EP300: variants seen among roughly 807,000 people sequenced by gnomAD.
The protein encoded by EP300 is histone acetyltransferase p300.
Under a neutral mutation model 264.0 loss-of-function variants are expected in EP300, and 31 were observed. The observed-to-expected ratio is 0.12, with a 90% CI of 0.09 to 0.16. The LOEUF is 0.16. EP300 is among the 10% of genes least tolerant of loss of function. The pLI is 1.00. For missense variants in EP300, 2,766 were observed against 3,052.9 expected (o/e 0.91, Z 2.21); for synonymous variants, 1,340 against 1,045.4 (o/e 1.28, Z -5.44).
intron 22 of EP300, among the ~76,000 whole-genome samples, chr22:41,165,682 C>G (rs1332455511): frequency 6.6e-6 from 1 of 152,172 alleles, no homozygotes; most frequent in African/African-American, 2.4e-5. Flanking sequence ...CTCGGCCTCC[C>G]GAAGTGCTGG....
At chr22:41,163,911 A>G (rs527995699) in intron 21 of EP300, 142 bp from the exon 22 acceptor site, 1 of 814,408 alleles carries the variant, frequency 1.2e-6, no homozygotes, top group African/African-American at 1.7e-5. Context: ...CCTATCTCTA[A>G]AAAAATAGAA....
intron 12 of EP300, among the ~76,000 whole-genome samples, chr22:41,148,317 C>A (rs1239414686): frequency 6.6e-6 from 1 of 152,188 alleles, no homozygotes; most frequent in Non-Finnish European, 1.5e-5. Context: ...CTTAACCAGT[C>A]CATCTCTCTA....
chr22:41,135,751 G>C, intron 6 of EP300, 62 bp from the exon 7 acceptor site: 1 of 1,224,756 alleles, frequency 8.2e-7, no homozygotes, highest in Non-Finnish European at 1.2e-6. Flanking sequence ...TAACTTTATA[G>C]TATTTATTGT....
intron 1 of EP300, 65 bp from the exon 2 acceptor site, chr22:41,117,120 AAT>A: frequency 7.5e-7 from 1 of 1,333,476 alleles, no homozygotes. Flanking sequence ...TATTGAGAAC[AAT>A]ATAGAGCAGT....
intron 1 of EP300, among the ~76,000 whole-genome samples, chr22:41,112,594 C>T (rs1386332737): frequency 6.6e-6 from 1 of 152,114 alleles, no homozygotes; most frequent in Admixed American, 6.6e-5. Context: ...ATTATCCCAA[C>T]TTGATGATGA....
At chr22:41,174,610 A>G (rs1275660057) in intron 29 of EP300, 2 of 152,002 alleles carry the variant, frequency 1.3e-5, no homozygotes, top group Non-Finnish European at 2.9e-5. Flanking sequence ...AATATCATAT[A>G]ATTGATAACG....
chr22:41,133,532 G>A (rs1184932651), intron 6 of EP300, among the ~76,000 whole-genome samples: 1 of 152,060 alleles, frequency 6.6e-6, no homozygotes, highest in Non-Finnish European at 1.5e-5. Flanking sequence ...TTTTTTCGGA[G>A]TTTGGAATGT....
rs564574458 is a variant in EP300, at chr22:41,117,212, G to A, written c.120G>A (p.Glu40=). ...ATTTTGGCTCTCTATTTGACTTGGAGCACGACTTACCAGATGAATTAATCA... is the reference window on the plus strand; with the variant it reads ...ATTTTGGCTCTCTATTTGACTTGGAACACGACTTACCAGATGAATTAATCA... ...GTDFGSLFDL[E]HDLPDELINS... is the part of the protein sequence containing the mutation. The change falls in exon 2 of 31, where the codon GAG becomes GAA. Residue 40 remains glutamate, a synonymous_variant. Coordinates refer to ENST00000263253, the MANE Select transcript of EP300 (RefSeq NM_001429.4). 1 of 1,614,166 alleles carries A rather than the reference G, an allele frequency of 6.2e-7. No individual in the cohort carries two copies. The highest frequency in any genetic ancestry group is 1.7e-5 in the Admixed American group (1 of 60,020).
chr22:41,159,671 C>CA (rs2145751136), intron 19 of EP300: 1 of 152,150 alleles, frequency 6.6e-6, no homozygotes, highest in Admixed American at 6.5e-5. Context: ...TTTCAATAAA[C>CA]AGTTTTTTTT....
intron 2 of EP300, among the ~76,000 whole-genome samples, chr22:41,124,257 G>T (rs1601602616): frequency 6.6e-6 from 1 of 152,152 alleles, no homozygotes; most frequent in Non-Finnish European, 1.5e-5. Context: ...AAACAGAGAA[G>T]TACATAAGGG....
In EP300 at chr22:41,178,347, G is replaced by A. The variant is rs142673005; in HGVS notation, c.6636G>A (p.Gln2212=). ...GAATGGCCAACCATAACCAGTTCCAGCAACCCCAAGGAGTTGGCTACCCAC... is the reference window on the plus strand; with the variant it reads ...GAATGGCCAACCATAACCAGTTCCAACAACCCCAAGGAGTTGGCTACCCAC... ...GPGMANHNQF[Q]QPQGVGYPPQ... The change falls in exon 31 of 31, where the codon CAG becomes CAA. Residue 2212 remains glutamine, a synonymous_variant. Transcript: ENST00000263253. 3.1e-3 allele frequency: 4,991 copies of A among 1,608,170 alleles called. 15 individuals are homozygous for A. The highest frequency in any genetic ancestry group is 3.9e-3 in the Non-Finnish European group (4,614 of 1,174,760).
chr22:41,139,905 C>T (rs2058972001), intron 8 of EP300, among the ~76,000 whole-genome samples: 1 of 152,082 alleles, frequency 6.6e-6, no homozygotes, highest in South Asian at 2.1e-4. Context: ...TGCTTTATGT[C>T]TAGAGTAACA....
intron 23 of EP300, among the ~76,000 whole-genome samples, chr22:41,167,651 G>T (rs1478253030): frequency 4.6e-5 from 5 of 107,994 alleles, no homozygotes; most frequent in Non-Finnish European, 9.2e-5. Context: ...TTGGTTGGTT[G>T]GGTTTTTTGT....
intron 6 of EP300, among the ~76,000 whole-genome samples, chr22:41,133,152 T>TCCCCCCCCCCCCCCC (rs71821697): frequency 4.6e-5 from 3 of 65,066 alleles, no homozygotes; most frequent in Non-Finnish European, 6.8e-5. Context: ...CCTAAGATTA[T>TCCCCCCCCCCCCCCC]CCCCCCCCCC....
intron 2 of EP300, among the ~76,000 whole-genome samples, chr22:41,122,706 A>T (rs2058859705): frequency 6.6e-6 from 1 of 151,768 alleles, no homozygotes; most frequent in Admixed American, 6.6e-5. Flanking sequence ...CTGCTGAACC[A>T]AAAAAGATGT....
At chr22:41,103,891 A>G (rs892762680) in intron 1 of EP300, among the ~76,000 whole-genome samples, 10 of 152,194 alleles carry the variant, frequency 6.6e-5, no homozygotes, top group African/African-American at 2.4e-4. Context: ...ACCTCTTTTG[A>G]AATGAGTTTG....
In EP300 at chr22:41,177,756, G is replaced by A. The variant is rs753072432; in HGVS notation, c.6045G>A (p.Met2015Ile). 248 of 1,613,812 alleles carry A rather than the reference G, an allele frequency of 1.5e-4. No homozygotes were observed. Among genetic ancestry groups the A allele is most frequent in the Non-Finnish European group, 2.0e-4 (239 of 1,180,038 alleles). Reference protein sequence around the residue: ...QLQSGMPRPAMMSVAQHGQPL... With the variant: ...QLQSGMPRPAIMSVAQHGQPL... ...AGTCTGGGATGCCAAGGCCAGCCATGATGTCAGTGGCCCAGCATGGTCAAC... is the reference window on the plus strand; with the variant it reads ...AGTCTGGGATGCCAAGGCCAGCCATAATGTCAGTGGCCCAGCATGGTCAAC... Residue 2015 changes from methionine to isoleucine, a missense_variant, in exon 31 of 31, where the codon ATG (methionine) becomes ATA (isoleucine). Coordinates refer to ENST00000263253, the MANE Select transcript of EP300 (RefSeq NM_001429.4).
chr22:41,175,488 G>C (rs1426622690), intron 29 of EP300, among the ~76,000 whole-genome samples: 3 of 152,210 alleles, frequency 2.0e-5, no homozygotes, highest in Non-Finnish European at 1.5e-5. Context: ...GTTGTTACAA[G>C]TTTTTTCAAA....
chr22:41,150,319 TA>T (rs1318219480), intron 14 of EP300, 121 bp downstream of exon 14: 1 of 1,228,376 alleles, frequency 8.1e-7, no homozygotes, highest in African/African-American at 1.5e-5. Flanking sequence ...AAGTAGAATG[TA>T]ATCTATTTTT....
Sources: allele counts gnomAD v4.1 joint callset (sites outside exome capture counted in the v4.1 genomes callset), GRCh38; gene constraint gnomAD v4.1.1; transcripts MANE v1.5; gene names NCBI Gene and HGNC (gene_info 2026-07-23, HGNC 2026-07-21).